The following ZC3H7B variants were observed in gnomAD, a reference collection of about 807,000 sequenced individuals.
The protein encoded by ZC3H7B is zinc finger CCCH-type containing 7B.
ZC3H7B carries 35 observed loss-of-function variants against 116.0 expected under a neutral mutation model. The ratio of observed to expected loss-of-function variants is 0.30; its 90% confidence interval spans 0.23 to 0.40. The LOEUF (loss-of-function observed/expected upper bound fraction) is 0.40, where lower values mean the gene tolerates loss of function less well. Ranked by LOEUF, ZC3H7B falls within the 10% of genes least tolerant of loss-of-function variation. The probability of loss-of-function intolerance (pLI) is 1.00; values close to 1 mark genes in which losing one functional copy is unlikely to be tolerated. For synonymous variants in ZC3H7B, 502 were observed against 545.6 expected (o/e 0.92, Z 1.11); for missense variants, 1,011 against 1,321.5 (o/e 0.77, Z 3.64).
At position 41,357,091 on chromosome 22, in the gene ZC3H7B, G is replaced by C. The variant is rs1016857004; in HGVS notation, c.2682-86G>C. 3 of 1,551,644 alleles carry C rather than the reference G, an allele frequency of 1.9e-6. No homozygotes were observed. Among genetic ancestry groups the C allele is most frequent in the Non-Finnish European group, 1.7e-6 (2 of 1,153,244 alleles). ...GCTGCCCAGGGAGAGGCTTGTCTTC[G>C]GGGAGGTCAAGCGGCCGGCCCCAGA... On this transcript the variant is annotated intron_variant, in intron 22 of 22. Coordinates refer to ENST00000352645, the MANE Select transcript of ZC3H7B (RefSeq NM_017590.6). This position sits in a 1 kb window ranked among gnomAD's most constrained non-coding sequence, Gnocchi z 5.4.
intron 7 of ZC3H7B, chr22:41,332,999 C>G (rs1330538523): frequency 6.6e-6 from 1 of 152,212 alleles, no homozygotes. Flanking sequence ...CGACTGAGAC[C>G]CCTGCCCGCT....
Position 41,343,569 on chromosome 22 carries a change from G to C in ZC3H7B, c.1452G>C (p.Leu484=). 6.3e-7 allele frequency: 1 copy of C among 1,599,026 alleles called. No individual in the cohort carries two copies. The highest frequency in any genetic ancestry group is 8.6e-7 in the Non-Finnish European group (1 of 1,169,398). The stretch of plus-strand genomic sequence containing the variant: ...CCAGCTTCGTGGGCTCCTACTACCT[G>C]TGCAAAGGTGGGTGGGCTGCAGCGG... ...TKTSFVGSYY[L]CKDMINKQDC... The change falls in exon 13 of 23, where the codon CTG becomes CTC. Residue 484 remains leucine (L), a synonymous_variant. Transcript: ENST00000352645.
intron 2 of ZC3H7B, among the ~76,000 whole-genome samples, chr22:41,323,268 T>C (rs558894360): frequency 6.6e-6 from 1 of 152,300 alleles, no homozygotes; most frequent in African/African-American, 2.4e-5. Context: ...TCTCTCTTCA[T>C]GGGCGGCAGG....
At chr22:41,323,459 C>T (rs937873859) in intron 2 of ZC3H7B, among the ~76,000 whole-genome samples, 1 of 152,244 alleles carries the variant, frequency 6.6e-6, no homozygotes, top group South Asian at 2.1e-4. Flanking sequence ...TCTCCCATTT[C>T]CCCTACGGGG....
At chr22:41,318,212 A>AGTT (rs1380523904) in intron 1 of ZC3H7B, among the ~76,000 whole-genome samples, 1 of 152,040 alleles carries the variant, frequency 6.6e-6, no homozygotes, top group African/African-American at 2.4e-5. Context: ...AGGTGGGAGG[A>AGTT]TCACTTGAGA....
chr22:41,334,488 A>C (rs1463570031), intron 7 of ZC3H7B: 1 of 152,216 alleles, frequency 6.6e-6, no homozygotes, highest in Non-Finnish European at 1.5e-5. Context: ...CTGTTCACCC[A>C]TCCCTGCAAT....
intron 5 of ZC3H7B, among the ~76,000 whole-genome samples, chr22:41,328,669 A>G (rs2036345985): frequency 6.6e-6 from 1 of 152,026 alleles, no homozygotes; most frequent in African/African-American, 2.4e-5. Context: ...CACGTAGTGT[A>G]TGTTCTGTAT....
chr22:41,311,519 GGTGT>G (rs1764592148), intron 1 of ZC3H7B, among the ~76,000 whole-genome samples: 3 of 152,160 alleles, frequency 2.0e-5, no homozygotes, highest in Non-Finnish European at 2.9e-5. Context: ...GAGTTGGGAA[GGTGT>G]GTGTGGCAGA....
At position 41,307,048 on chromosome 22, in the gene ZC3H7B, A is replaced by C. The variant is rs367604440; in HGVS notation, c.-7+5276A>C. Among the ~76,000 whole-genome samples the C allele has an allele frequency of 4.8e-5, 7 of 146,936 alleles. No homozygotes were observed. In the East Asian group the frequency reaches 1.4e-3, roughly 29 times the overall value. On this transcript the variant is annotated intron_variant, in intron 1 of 22. Transcript: ENST00000352645. Reference sequence around the variant, plus strand: ...GAGTGCAGTGGTGCGATCTTGGCTCACTGCAACCTCTGCCTCCCGGGTTCA... The same window carrying C: ...GAGTGCAGTGGTGCGATCTTGGCTCCCTGCAACCTCTGCCTCCCGGGTTCA...
At chr22:41,347,917 C>G (rs1569242288) in intron 14 of ZC3H7B, 150 bp from the exon 15 acceptor site, 3 of 660,976 alleles carry the variant, frequency 4.5e-6, no homozygotes, top group Non-Finnish European at 5.4e-6. Context: ...GGCAAGACCA[C>G]AGACCCTGGG....
chr22:41,346,223 CCCACTG>C lies in ZC3H7B; in HGVS notation c.1665+20_1665+25del. 2 of 1,606,076 alleles carry C rather than the reference CCCACTG, an allele frequency of 1.2e-6. No homozygotes were observed. The highest frequency in any genetic ancestry group is 1.7e-6 in the Non-Finnish European group (2 of 1,179,434). On this transcript the variant is annotated intron_variant, in intron 14 of 22. Transcript: ENST00000352645. The surrounding 1 kb of genome is among the most constrained non-coding windows in gnomAD (Gnocchi z 5.3). ...TCCTCTGCGAGGTACTGCCCACCCA[CCCACTG>C]CCACCCCATAGGCCATGGCACAGAC... is the stretch of plus-strand genomic sequence containing the variant.
At chr22:41,319,195 A>T (rs1783139801) in intron 1 of ZC3H7B, among the ~76,000 whole-genome samples, 1 of 152,086 alleles carries the variant, frequency 6.6e-6, no homozygotes, top group Non-Finnish European at 1.5e-5. Context: ...AGGTCAGGCG[A>T]TCGAGACCAT....
intron 1 of ZC3H7B, 115 bp from the exon 2 acceptor site, chr22:41,320,540 G>A (rs1017729263): frequency 3.3e-6 from 4 of 1,196,966 alleles, no homozygotes; most frequent in African/African-American, 3.0e-5. Context: ...CCCGACATGG[G>A]GAAGGGAATG....
Position 41,351,104 on chromosome 22 carries a change from C to T in ZC3H7B, c.1949-457C>T, listed in dbSNP as rs1029803169. Among the ~76,000 whole-genome samples the T allele has an allele frequency of 6.6e-6, 1 of 152,140 alleles. No individual in the cohort carries two copies. The highest frequency in any genetic ancestry group is 2.4e-5 in the African/African-American group (1 of 41,406). On this transcript the variant is annotated intron_variant, in intron 16 of 22. Transcript: ENST00000352645. This position sits in a 1 kb window ranked among gnomAD's most constrained non-coding sequence, Gnocchi z 5.1. Reference sequence around the variant, plus strand: ...CCTTTGGGGACTGGCAGTAAAGAGCCGTGGTACCACAGTGAACCGGTGAGC... The same window carrying T: ...CCTTTGGGGACTGGCAGTAAAGAGCTGTGGTACCACAGTGAACCGGTGAGC...
rs1453189648 is a variant in ZC3H7B, at chr22:41,359,954, A to G, written c.*2525A>G. The G allele has an allele frequency of 1.3e-5, 2 of 152,592 alleles. No homozygotes were observed. The highest frequency in any genetic ancestry group is 2.4e-5 in the African/African-American group (1 of 41,424). 9.5% of individuals were successfully genotyped at this position (152,592 alleles called of 1,614,324 possible). On this transcript the variant is annotated 3_prime_UTR_variant, in exon 23 of 23. Coordinates refer to ENST00000352645, the MANE Select transcript of ZC3H7B (RefSeq NM_017590.6). ...GCATTTCTCAGCTGGGCAGTAATCAATTTAATGGTCCTTTAAAATGTCTGT... is the reference window on the plus strand; with the variant it reads ...GCATTTCTCAGCTGGGCAGTAATCAGTTTAATGGTCCTTTAAAATGTCTGT...
At chr22:41,316,712 T>C (rs1168344920) in intron 1 of ZC3H7B, among the ~76,000 whole-genome samples, 1 of 151,540 alleles carries the variant, frequency 6.6e-6, no homozygotes, top group Non-Finnish European at 1.5e-5. Flanking sequence ...AGTTGCTCTG[T>C]TGCCCAGGCT....
At chr22:41,336,710 G>C (rs2036452553) in intron 7 of ZC3H7B, 1 of 152,004 alleles carries the variant, frequency 6.6e-6, no homozygotes. Flanking sequence ...TGGGCATGGT[G>C]GCATGCTTCT....
intron 20 of ZC3H7B, 135 bp downstream of exon 20, chr22:41,356,197 G>A (rs1470911809): frequency 2.2e-5 from 33 of 1,477,918 alleles, no homozygotes; most frequent in Non-Finnish European, 2.7e-5. Context: ...GCCCCATGCC[G>A]GGCCCTCTCT....
intron 1 of ZC3H7B, among the ~76,000 whole-genome samples, chr22:41,311,440 C>T (rs2036117922): frequency 6.6e-6 from 1 of 151,992 alleles, no homozygotes. Context: ...ACACCCAATC[C>T]AGCTGAGATG....
Sources: allele counts gnomAD v4.1 joint callset (sites outside exome capture counted in the v4.1 genomes callset), GRCh38; gene constraint gnomAD v4.1.1; non-coding constraint Gnocchi (gnomAD v3.1); transcripts MANE v1.5; gene names NCBI Gene and HGNC (gene_info 2026-07-23, HGNC 2026-07-21).